The following PPP1R9A variants were observed in gnomAD, a reference collection of about 807,000 sequenced individuals.
PPP1R9A encodes protein phosphatase 1 regulatory subunit 9A.
Under a neutral mutation model 141.9 loss-of-function variants are expected in PPP1R9A, and 59 were observed. The ratio of observed to expected loss-of-function variants is 0.42; its 90% CI spans 0.34 to 0.52. PPP1R9A has a LOEUF of 0.52. Among genes scored for constraint, PPP1R9A ranks in the 20% least tolerant of loss-of-function variants. The pLI, the probability that PPP1R9A is intolerant of heterozygous loss-of-function variation, is 0.10. For synonymous variants in PPP1R9A, 500 were observed against 569.7 expected (o/e 0.88, Z 1.74); for missense variants, 1,444 against 1,611.9 (o/e 0.90, Z 1.78).
intron 2 of PPP1R9A, among the ~76,000 whole-genome samples, chr7:95,040,290 G>A (rs1429916786): frequency 6.6e-6 from 1 of 151,382 alleles, no homozygotes; most frequent in Non-Finnish European, 1.5e-5. Context: ...ATATAACACA[G>A]ATTTTAAAGT....
At chr7:95,173,978 CATACACTT>C (rs1832540884) in intron 5 of PPP1R9A, among the ~76,000 whole-genome samples, 1 of 152,018 alleles carries the variant, frequency 6.6e-6, no homozygotes, top group Non-Finnish European at 1.5e-5. Flanking sequence ...CAAAGTTAGG[CATACACTT>C]ATACCAGCTA....
In PPP1R9A at chr7:95,269,377, C is replaced by A; in HGVS notation, c.2994C>A (p.Asp998Glu). The change falls in exon 14 of 20, where the codon GAC becomes GAA. Residue 998 changes from aspartate to glutamate, a missense_variant. By Grantham distance (45) the Asp-to-Glu change is conservative. This residue lies in a region of PPP1R9A where 459 missense variants were observed against 513.8 expected (regional missense o/e 0.89). Transcript: ENST00000433360. ...CTGAATTTCAAGAAGAACCACTGGACCCAGAAATGGGGCCTCTCTCCTCTA... is the reference window on the plus strand; with the variant it reads ...CTGAATTTCAAGAAGAACCACTGGAACCAGAAATGGGGCCTCTCTCCTCTA... Reference protein sequence around the residue: ...HIAEFQEEPLDPEMGPLSSMW... With the variant: ...HIAEFQEEPLEPEMGPLSSMW... 1 of 1,598,114 alleles carries A rather than the reference C, an allele frequency of 6.3e-7. No individual in the cohort carries two copies. The highest frequency in any genetic ancestry group is 1.1e-5 in the South Asian group (1 of 90,858).
At chr7:95,234,886 C>T (rs528738828) in intron 8 of PPP1R9A, among the ~76,000 whole-genome samples, 6 of 152,102 alleles carry the variant, frequency 3.9e-5, no homozygotes, top group African/African-American at 1.2e-4. Context: ...AACTGATGTT[C>T]GACAAAGCAA....
intron 7 of PPP1R9A, among the ~76,000 whole-genome samples, chr7:95,210,271 A>G (rs1466384392): frequency 6.6e-6 from 1 of 152,152 alleles, no homozygotes; most frequent in Non-Finnish European, 1.5e-5. Context: ...ATGATAAAAA[A>G]TTTAAATCCT....
At chr7:95,259,922 C>T (rs1800173447) in intron 12 of PPP1R9A, among the ~76,000 whole-genome samples, 1 of 151,992 alleles carries the variant, frequency 6.6e-6, no homozygotes, top group Non-Finnish European at 1.5e-5. Context: ...ATATTTTTTG[C>T]ATACAGATAT....
chr7:95,235,387 G>C (rs1037464653), intron 8 of PPP1R9A, among the ~76,000 whole-genome samples: 8 of 152,058 alleles, frequency 5.3e-5, no homozygotes, highest in Non-Finnish European at 2.9e-5. Flanking sequence ...CTCAAAAGAA[G>C]ATAAACAAAT....
chr7:95,161,838 A>G, intron 4 of PPP1R9A, 29 bp from the exon 5 acceptor site: 4 of 1,407,594 alleles, frequency 2.8e-6, no homozygotes, highest in East Asian at 2.4e-5. Flanking sequence ...TATGTAATTT[A>G]TGTGGGTAAT....
chr7:95,073,979 T>A (rs990196574), intron 2 of PPP1R9A, among the ~76,000 whole-genome samples: 2 of 152,228 alleles, frequency 1.3e-5, no homozygotes, highest in African/African-American at 4.8e-5. Context: ...GTTGTAAGAA[T>A]GATGAATGAG....
chr7:94,928,065 C>T (rs1389354114), intron 2 of PPP1R9A, among the ~76,000 whole-genome samples: 1 of 152,138 alleles, frequency 6.6e-6, no homozygotes, highest in Non-Finnish European at 1.5e-5. Context: ...GCAGGGGAGT[C>T]TACCTTTATC....
intron 7 of PPP1R9A, among the ~76,000 whole-genome samples, chr7:95,215,932 C>T (rs1793299545): frequency 6.6e-6 from 1 of 152,172 alleles, no homozygotes; most frequent in East Asian, 1.9e-4. Context: ...TGCCTGTTCA[C>T]TCTGATGGTA....
chr7:95,004,282 C>T (rs572197343), intron 2 of PPP1R9A, among the ~76,000 whole-genome samples: 1 of 151,968 alleles, frequency 6.6e-6, no homozygotes, highest in South Asian at 2.1e-4. Context: ...GCTGTGACAG[C>T]ACAATCACTG....
intron 2 of PPP1R9A, among the ~76,000 whole-genome samples, chr7:95,013,097 G>C (rs1804650331): frequency 1.3e-5 from 2 of 151,968 alleles, no homozygotes; most frequent in Admixed American, 6.6e-5. Context: ...TGTTGGAATT[G>C]TAACAGGCTT....
At chr7:95,151,563 C>G (rs923268237) in intron 4 of PPP1R9A, among the ~76,000 whole-genome samples, 1 of 151,960 alleles carries the variant, frequency 6.6e-6, no homozygotes. Context: ...ATCCATCATA[C>G]ATTTGTCAAA....
chr7:95,152,791 A>G (rs946209980), intron 4 of PPP1R9A, among the ~76,000 whole-genome samples: 2 of 151,518 alleles, frequency 1.3e-5, no homozygotes, highest in Non-Finnish European at 2.9e-5. Flanking sequence ...CCTATCATGC[A>G]CAAGCAATTT....
intron 6 of PPP1R9A, chr7:95,202,470 A>G: frequency 3.5e-6 from 1 of 281,900 alleles, no homozygotes; most frequent in Non-Finnish European, 5.4e-6. Context: ...GTATATCTGA[A>G]TATATCTGTG....
At chr7:95,282,686 AGT>A (rs760746975) in intron 16 of PPP1R9A, among the ~76,000 whole-genome samples, 40 of 152,274 alleles carry the variant, frequency 2.6e-4, no homozygotes, top group Non-Finnish European at 4.6e-4. Context: ...CCTCACCTAG[AGT>A]GTAGACCATG....
Position 95,169,298 on chromosome 7 carries a change from T to C in PPP1R9A, c.1754+7327T>C, listed in dbSNP as rs1831750094. Reference sequence around the variant, plus strand: ...AATAAGCCAGACACAGAGAGACAACTATGACATGTTTTCAGTCCTATATAG... The same window carrying C: ...AATAAGCCAGACACAGAGAGACAACCATGACATGTTTTCAGTCCTATATAG... On this transcript the variant is annotated intron_variant, in intron 5 of 19. Transcript: ENST00000433360. Among the ~76,000 whole-genome samples the C allele has an allele frequency of 2.0e-5, 3 of 151,964 alleles. No homozygotes were observed. In the South Asian group the frequency reaches 6.2e-4, roughly 32 times the overall value.
chr7:95,082,231 TAGG>T (rs1040526668), intron 2 of PPP1R9A, among the ~76,000 whole-genome samples: 3 of 152,154 alleles, frequency 2.0e-5, no homozygotes, highest in African/African-American at 7.2e-5. Flanking sequence ...AAAAACTTAA[TAGG>T]AGAAGCTGGG....
Position 95,291,001 on chromosome 7 carries a change from C to T in PPP1R9A, c.*698C>T, listed in dbSNP as rs1806276156. On this transcript the variant is annotated 3_prime_UTR_variant, in exon 20 of 20. Coordinates refer to ENST00000433360, the MANE Select transcript of PPP1R9A (RefSeq NM_001166160.2). ...CTTAAGAATGTGGATGTGGGTATTACCTTGGGGTTCTGAGGGTAATATTTA... is the reference window on the plus strand; with the variant it reads ...CTTAAGAATGTGGATGTGGGTATTATCTTGGGGTTCTGAGGGTAATATTTA... 2 of 152,114 alleles carry T rather than the reference C, an allele frequency of 1.3e-5. No homozygotes were observed. Among genetic ancestry groups the T allele is most frequent in the Admixed American group, 1.3e-4 (2 of 15,254 alleles). 9.4% of individuals were successfully genotyped at this position (152,114 alleles called of 1,614,324 possible). A position where few individuals can be genotyped will look rare whatever the true frequency, so the allele number is the denominator to read the frequency against.
Sources: allele counts gnomAD v4.1 joint callset (sites outside exome capture counted in the v4.1 genomes callset), GRCh38; gene constraint gnomAD v4.1.1; regional missense constraint gnomAD v4.1.1; transcripts MANE v1.5; gene names NCBI Gene and HGNC (gene_info 2026-07-23, HGNC 2026-07-21).